Variants in EPG5 observed in about 807,000 individuals in gnomAD.
EPG5 encodes ectopic P granules protein 5 homolog.
A neutral mutation model predicts 302.7 loss-of-function variants in EPG5; 159 were observed. The observed-to-expected ratio is 0.53, with a 90% CI of 0.46 to 0.60. EPG5 has a LOEUF of 0.60. Ranked by LOEUF, EPG5 falls within the 20% of genes least tolerant of loss-of-function variation. The pLI, the probability that EPG5 is intolerant of heterozygous loss-of-function variation, is 0.00. For synonymous variants in EPG5, 1,158 were observed against 1,136.8 expected, an observed-to-expected ratio of 1.02 and a Z score of -0.37; for missense variants, 2,896 against 3,092.4, an observed-to-expected ratio of 0.94 and a Z score of 1.51.
At chr18:45,876,637 G>T (rs74664797) in intron 34 of EPG5, among the ~76,000 whole-genome samples, 1 of 151,386 alleles carries the variant, frequency 6.6e-6, no homozygotes, top group Admixed American at 6.6e-5. Context: ...TTAGACCCTT[G>T]GACATCTTGG....
At chr18:45,930,991 A>G (rs2050385172) in intron 11 of EPG5, among the ~76,000 whole-genome samples, 161 bp from the exon 12 acceptor site, 1 of 152,290 alleles carries the variant, frequency 6.6e-6, no homozygotes, top group African/African-American at 2.4e-5. Flanking sequence ...GCTGGACCAG[A>G]TGGCCTCTGA....
At position 45,913,688 on chromosome 18, in the gene EPG5, C is replaced by T; in HGVS notation, c.3816+18G>A. On this transcript the variant is annotated intron_variant, in intron 21 of 43. Coordinates refer to ENST00000282041, the MANE Select transcript of EPG5 (RefSeq NM_020964.3). The stretch of plus-strand genomic sequence containing the variant: ...TAAGCCACCTTCTACCACTCAAATG[C>T]AGAACTGCTATTTGTACCTTCAGAG... 4 of 1,613,358 alleles carry T rather than the reference C, an allele frequency of 2.5e-6. No individual in the cohort carries two copies. Among genetic ancestry groups the T allele is most frequent in the East Asian group, 4.5e-5 (2 of 44,866 alleles).
At chr18:45,956,700 T>C (rs2051041292) in intron 1 of EPG5, among the ~76,000 whole-genome samples, 1 of 152,136 alleles carries the variant, frequency 6.6e-6, no homozygotes, top group Admixed American at 6.5e-5. Context: ...CCCAAAGTGC[T>C]GGGATTAACA....
At chr18:45,952,946 G>A (rs1350111748) in intron 2 of EPG5, among the ~76,000 whole-genome samples, 1 of 152,166 alleles carries the variant, frequency 6.6e-6, no homozygotes, top group Non-Finnish European at 1.5e-5. Flanking sequence ...GGCCGAGGCA[G>A]GTGGATCACG....
the EPG5 span, among the ~76,000 whole-genome samples, chr18:45,808,696 C>G: frequency 4.7e-4 from 71 of 152,200 alleles, no homozygotes; most frequent in African/African-American, 1.6e-3. Flanking sequence ...ATTACCAAGC[C>G]ACCACTACAA....
intron 14 of EPG5, among the ~76,000 whole-genome samples, chr18:45,924,353 G>C (rs1188643586): frequency 6.6e-6 from 1 of 152,208 alleles, no homozygotes; most frequent in Non-Finnish European, 1.5e-5. Context: ...TGTAGCTCTT[G>C]CCTACGAGCA....
At position 45,967,313 on chromosome 18, in the gene EPG5, C is replaced by T; in HGVS notation, c.-74G>A. 7.2e-7 allele frequency: 1 copy of T among 1,388,384 alleles called. No homozygotes were observed. The highest frequency in any genetic ancestry group is 9.6e-7 in the Non-Finnish European group (1 of 1,039,690). The allele number at this position is 1,388,384 out of a possible 1,614,324, so 86.0% of individuals were successfully genotyped here. Reference sequence around the variant, plus strand: ...CTTCAAGCAACCTGCCCGGTTCTGGCCTCCGGACTGTCACATGATCGAATC... The same window carrying T: ...CTTCAAGCAACCTGCCCGGTTCTGGTCTCCGGACTGTCACATGATCGAATC... On this transcript the variant is annotated 5_prime_UTR_variant, in exon 1 of 44. Coordinates refer to ENST00000282041, the MANE Select transcript of EPG5 (RefSeq NM_020964.3).
intron 23 of EPG5, among the ~76,000 whole-genome samples, chr18:45,910,209 C>T (rs1002541469): frequency 3.3e-5 from 5 of 151,970 alleles, no homozygotes; most frequent in African/African-American, 1.2e-4. Flanking sequence ...GGCTGTCTAG[C>T]AGGCTTTAAT....
At chr18:45,825,276 G>C in the EPG5 span, among the ~76,000 whole-genome samples, 1 of 147,574 alleles carries the variant, frequency 6.8e-6, no homozygotes, top group Non-Finnish European at 1.5e-5. Flanking sequence ...GGGAGGATGG[G>C]ATGGAAGAAG....
chr18:45,960,988 TC>T (rs1208620983), intron 1 of EPG5, among the ~76,000 whole-genome samples: 2 of 152,114 alleles, frequency 1.3e-5, no homozygotes, highest in Non-Finnish European at 2.9e-5. Flanking sequence ...CTCCTGATTT[TC>T]CCCCCTAAAA....
At chr18:45,803,391 A>G in the EPG5 span, among the ~76,000 whole-genome samples, 2 of 152,162 alleles carry the variant, frequency 1.3e-5, no homozygotes, top group East Asian at 1.9e-4. Flanking sequence ...AGAGTATACA[A>G]CAGCAAGCAG....
rs776334139 is a variant in EPG5 at position 45,955,087 on chromosome 18, T to G, written c.315A>C (p.Glu105Asp). 6.2e-7 allele frequency: 1 copy of G among 1,614,004 alleles called. No homozygotes were observed. The highest frequency in any genetic ancestry group is 1.1e-5 in the South Asian group (1 of 91,064). ...CCACACAGGGTCTGGCCTCTCCCCC[T>G]TCCTTTGGGGGCTCTGTGTTACACG... Reference protein sequence around the residue: ...SLTCNTEPPKEGGEARPCVGD... With the variant: ...SLTCNTEPPKDGGEARPCVGD... Residue 105 changes from glutamate (E) to aspartate (D), a missense_variant, in exon 2 of 44, where the codon GAA (glutamate) becomes GAC (aspartate). Glu to Asp is a conservative substitution (Grantham distance 45). Around this residue, in one of 5 missense-constraint regions of EPG5, gnomAD observed 1,390 missense variants for 1,430.0 expected, o/e 0.97. Coordinates refer to ENST00000282041, the MANE Select transcript of EPG5 (RefSeq NM_020964.3).
At chr18:45,947,417 AAAAG>A (rs1237619350) in intron 6 of EPG5, among the ~76,000 whole-genome samples, 1 of 152,168 alleles carries the variant, frequency 6.6e-6, no homozygotes, top group Non-Finnish European at 1.5e-5. Flanking sequence ...CTCTCAAAAA[AAAAG>A]AAAAAAGGTA....
At position 45,916,728 on chromosome 18, in the gene EPG5, A is replaced by T. The variant is rs186380015; in HGVS notation, c.3240-146T>A. 5.9e-4 allele frequency: 472 copies of T among 797,490 alleles called. 2 individuals are homozygous for T. The African/African-American group carries it at 7.4e-3, about 12-fold the overall frequency. The allele number at this position is 797,490 out of a possible 1,614,324, so 49.4% of individuals were successfully genotyped here. A position where few individuals can be genotyped will look rare whatever the true frequency, so the allele number is the denominator to read the frequency against. On this transcript the variant is annotated intron_variant, in intron 17 of 43. Transcript: ENST00000282041. ...ATTTAAGAAGGGATTCTAGAAGAAT[A>T]AAGTTTTCACATTTAACATGGGTTA...
chr18:45,925,883 T>C lies in EPG5; in HGVS notation c.2573A>G (p.Lys858Arg), dbSNP rs1332601834. 6.7e-7 allele frequency: 1 copy of C among 1,499,900 alleles called. No individual in the cohort carries two copies. Among genetic ancestry groups the C allele is most frequent in the South Asian group, 1.4e-5 (1 of 69,810 alleles). 92.9% of individuals were successfully genotyped at this position (1,499,900 alleles called of 1,614,324 possible). ...QVGMVSLYLF[K>R]ELPLYLWQPS... is the part of the protein sequence containing the mutation. ...TTGCCAAAGATACAAAGGCAGTTCT[T>C]TAAACAAGTATAGAGAAACCTTATT... The change falls in exon 14 of 44, where the codon AAA becomes AGA. Residue 858 changes from lysine to arginine, a missense_variant. Lys to Arg is a conservative substitution (Grantham distance 26, BLOSUM62 2). Around this residue, in one of 5 missense-constraint regions of EPG5, gnomAD observed 1,390 missense variants for 1,430.0 expected, o/e 0.97. Coordinates refer to ENST00000282041, the MANE Select transcript of EPG5 (RefSeq NM_020964.3).
At chr18:45,825,083 C>A in the EPG5 span, among the ~76,000 whole-genome samples, 239 of 142,158 alleles carry the variant, frequency 1.7e-3, no homozygotes, top group African/African-American at 5.8e-3. Context: ...CCTCTGCATT[C>A]TTGACCAGGC....
the EPG5 span, among the ~76,000 whole-genome samples, chr18:45,802,989 C>T: frequency 6.6e-6 from 1 of 152,212 alleles, no homozygotes. Flanking sequence ...GAGTCAGTAT[C>T]TCCTGTTTAT....
chr18:45,922,768 C>T (rs1037048222), intron 15 of EPG5, among the ~76,000 whole-genome samples, 168 bp from the exon 16 acceptor site: 2 of 152,194 alleles, frequency 1.3e-5, no homozygotes, highest in Non-Finnish European at 2.9e-5. Context: ...ATTTTTCACT[C>T]GCAACTTGCG....
chr18:45,926,941 A>G (rs1218177547), intron 13 of EPG5, among the ~76,000 whole-genome samples: 1 of 152,104 alleles, frequency 6.6e-6, no homozygotes, highest in East Asian at 1.9e-4. Flanking sequence ...CTCAAGAAGG[A>G]GCAACAGAAA....
Sources: gnomAD v4.1 joint callset for allele counts (sites outside exome capture counted in the v4.1 genomes callset) on GRCh38, gnomAD v4.1.1 for gene constraint, gnomAD v4.1.1 regional missense constraint, MANE v1.5 for transcripts, NCBI Gene and HGNC (gene_info 2026-07-23, HGNC 2026-07-21) for gene names.